NR2F1-AS1: variants seen among roughly 807,000 people sequenced by gnomAD.
The protein encoded by NR2F1-AS1 is NR2F1 regulatory antisense RNA 1.
intron 4 of NR2F1-AS1, among the ~76,000 whole-genome samples, chr5:93,486,587 T>C (rs1750722451): frequency 6.6e-6 from 1 of 152,072 alleles, no homozygotes; most frequent in Non-Finnish European, 1.5e-5. Context: ...AGTTCTGAAA[T>C]TGCAGCAATA....
chr5:93,548,389 T>A (rs1176499304), intron 4 of NR2F1-AS1, among the ~76,000 whole-genome samples: 1 of 152,316 alleles, frequency 6.6e-6, no homozygotes, highest in East Asian at 1.9e-4. Context: ...ATATATCGTT[T>A]ACCTCAGTAT....
At chr5:93,497,560 A>G (rs975079182) in intron 4 of NR2F1-AS1, among the ~76,000 whole-genome samples, 1 of 152,204 alleles carries the variant, frequency 6.6e-6, no homozygotes, top group African/African-American at 2.4e-5. Flanking sequence ...AACAGTGACA[A>G]CTACAGGACC....
At chr5:93,536,831 G>A (rs886566804) in intron 4 of NR2F1-AS1, among the ~76,000 whole-genome samples, 2 of 152,184 alleles carry the variant, frequency 1.3e-5, no homozygotes, top group Admixed American at 1.3e-4. Context: ...ATTCCCACGT[G>A]TTGTGGAAGG....
At chr5:93,482,583 G>A (rs1466517777) in intron 4 of NR2F1-AS1, among the ~76,000 whole-genome samples, 1 of 152,014 alleles carries the variant, frequency 6.6e-6, no homozygotes, top group Admixed American at 6.6e-5. Context: ...AGTGGAGCCT[G>A]GAATGACAGC....
chr5:93,585,577 C>A, upstream of NR2F1-AS1: 2 of 1,044,344 alleles, frequency 1.9e-6, no homozygotes, highest in Non-Finnish European at 2.8e-6. Flanking sequence ...CTGTGTGGGG[C>A]TGGGGCTCCT....
At position 93,539,560 on chromosome 5, in the gene NR2F1-AS1, T is replaced by C. The variant is rs547291451; in HGVS notation, n.638+14201A>G. Among the ~76,000 whole-genome samples the C allele has an allele frequency of 7.9e-5, 12 of 152,138 alleles. No individual in the cohort carries two copies. The South Asian group carries it at 8.3e-4, about 11-fold the overall frequency. Reference sequence around the variant, plus strand: ...TATGCTGAATCTTCAAAAAAAATTATAGAGGCAGAGAGAACAGTGGTTACC... The same window carrying C: ...TATGCTGAATCTTCAAAAAAAATTACAGAGGCAGAGAGAACAGTGGTTACC... On this transcript the variant is annotated intron_variant and non_coding_transcript_variant, in intron 4 of 5. Transcript: ENST00000660523.
At chr5:93,479,246 G>T (rs1180034901) in intron 4 of NR2F1-AS1, among the ~76,000 whole-genome samples, 2 of 152,130 alleles carry the variant, frequency 1.3e-5, no homozygotes, top group Non-Finnish European at 2.9e-5. Context: ...TCTGTATTTT[G>T]ATCCGTTTGG....
chr5:93,540,190 A>C (rs1751920844), intron 4 of NR2F1-AS1, among the ~76,000 whole-genome samples: 1 of 152,214 alleles, frequency 6.6e-6, no homozygotes. Context: ...ATATGCAAAA[A>C]TGATGTTGTT....
chr5:93,516,991 T>C (rs1751411561), intron 4 of NR2F1-AS1, among the ~76,000 whole-genome samples: 1 of 152,002 alleles, frequency 6.6e-6, no homozygotes. Context: ...ATTACACAGT[T>C]AATACAAACT....
chr5:93,531,884 CT>C (rs1561486309), intron 4 of NR2F1-AS1, among the ~76,000 whole-genome samples: 1 of 152,182 alleles, frequency 6.6e-6, no homozygotes, highest in African/African-American at 2.4e-5. Flanking sequence ...CTAAAATTCA[CT>C]TTATTTATTT....
intron 4 of NR2F1-AS1, among the ~76,000 whole-genome samples, chr5:93,528,149 T>A (rs926032698): frequency 8.6e-5 from 13 of 151,724 alleles, no homozygotes; most frequent in Middle Eastern, 3.4e-3. Flanking sequence ...TAAACAAATT[T>A]ACAAGAAAAA....
chr5:93,511,936 G>A (rs1225320767), intron 4 of NR2F1-AS1, among the ~76,000 whole-genome samples: 2 of 152,098 alleles, frequency 1.3e-5, no homozygotes, highest in African/African-American at 2.4e-5. Context: ...TTAGGTCCCT[G>A]GTGCCAAAAA....
intron 4 of NR2F1-AS1, among the ~76,000 whole-genome samples, chr5:93,547,520 C>T (rs1204303568): frequency 6.6e-6 from 1 of 152,114 alleles, no homozygotes; most frequent in Non-Finnish European, 1.5e-5. Flanking sequence ...AATTATTTTA[C>T]ATATTATCTA....
At chr5:93,466,214 T>A (rs1750228389) in intron 4 of NR2F1-AS1, among the ~76,000 whole-genome samples, 1 of 152,030 alleles carries the variant, frequency 6.6e-6, no homozygotes, top group Non-Finnish European at 1.5e-5. Flanking sequence ...TTTTCTCATC[T>A]TCCTTCCTCT....
chr5:93,416,657 G>A (rs1399478215), intron 4 of NR2F1-AS1, among the ~76,000 whole-genome samples: 1 of 152,066 alleles, frequency 6.6e-6, no homozygotes, highest in African/African-American at 2.4e-5. Flanking sequence ...TTTACAAATT[G>A]GAAAACAGAC....
At chr5:93,421,702 TC>T (rs1191600202) in intron 4 of NR2F1-AS1, among the ~76,000 whole-genome samples, 3 of 152,018 alleles carry the variant, frequency 2.0e-5, no homozygotes, top group African/African-American at 7.2e-5. Flanking sequence ...CAGCTCTGCT[TC>T]CCCCAGGGCC....
intron 4 of NR2F1-AS1, among the ~76,000 whole-genome samples, chr5:93,440,239 GA>G (rs1749538081): frequency 6.7e-6 from 1 of 150,300 alleles, no homozygotes; most frequent in South Asian, 2.1e-4. Context: ...CACACACAGA[GA>G]AAGTTAATTT....
intron 2 of NR2F1-AS1, among the ~76,000 whole-genome samples, chr5:93,561,581 C>G (rs1752488298): frequency 6.6e-6 from 1 of 151,330 alleles, no homozygotes; most frequent in Non-Finnish European, 1.5e-5. Flanking sequence ...AAGACCAGTC[C>G]AGGCAACAAA....
chr5:93,449,985 G>A lies in NR2F1-AS1; in HGVS notation n.639-54443C>T, dbSNP rs961443129. Among the ~76,000 whole-genome samples the A allele has an allele frequency of 1.7e-4, 26 of 152,124 alleles. 1 individual carries two copies. Among genetic ancestry groups the A allele is most frequent in the Admixed American group, 1.3e-3 (20 of 15,264 alleles). ...TAGTGTTTCAACTTGAAATTTCAGT[G>A]GGTAGTTCTGATAGACTATTAGGAA... On this transcript the variant is annotated intron_variant and non_coding_transcript_variant, in intron 4 of 5. Coordinates refer to ENST00000660523, the Ensembl canonical transcript of NR2F1-AS1.
Sources: allele counts gnomAD v4.1 joint callset (sites outside exome capture counted in the v4.1 genomes callset), GRCh38; gene constraint gnomAD v4.1.1; transcripts MANE v1.5; gene names NCBI Gene and HGNC (gene_info 2026-07-23, HGNC 2026-07-21).